Variants in CACNA1C observed in about 807,000 individuals in gnomAD.
The protein encoded by CACNA1C is calcium voltage-gated channel subunit alpha1 C.
CACNA1C carries 30 observed loss-of-function variants against 229.0 expected under a neutral mutation model. The observed-to-expected ratio is 0.13, with a 90% CI of 0.10 to 0.18. The LOEUF (loss-of-function observed/expected upper bound fraction) is 0.18, where lower values mean the gene tolerates loss of function less well. Ranked by LOEUF, CACNA1C falls within the 10% of genes least tolerant of loss-of-function variation. CACNA1C has a pLI of 1.00. For missense variants in CACNA1C, 1,658 were observed against 2,845.0 expected (o/e 0.58, Z 9.49); for synonymous variants, 1,114 against 1,132.5 (o/e 0.98, Z 0.33).
chr12:2,683,240 C>T (rs1215935431), intron 43 of CACNA1C, among the ~76,000 whole-genome samples: 1 of 152,190 alleles, frequency 6.6e-6, no homozygotes, highest in Non-Finnish European at 1.5e-5. Flanking sequence ...GCAGGTGCAG[C>T]ACAGCACAAT....
intron 7 of CACNA1C, among the ~76,000 whole-genome samples, chr12:2,495,092 C>T (rs919457371): frequency 1.6e-4 from 25 of 152,222 alleles, no homozygotes; most frequent in African/African-American, 5.5e-4. Flanking sequence ...ACCCCTCTGC[C>T]TCAAACTAAA....
At chr12:2,102,980 A>G (rs2076982421) in intron 1 of CACNA1C, among the ~76,000 whole-genome samples, 2 of 152,182 alleles carry the variant, frequency 1.3e-5, no homozygotes, top group African/African-American at 2.4e-5. Context: ...TATCCAGTCT[A>G]TCATTGATGG....
intron 4 of CACNA1C, among the ~76,000 whole-genome samples, chr12:2,455,184 C>G (rs942309156): frequency 6.6e-6 from 1 of 152,312 alleles, no homozygotes; most frequent in South Asian, 2.1e-4. Context: ...GTCATATCTC[C>G]CATTCAGAAA....
chr12:2,232,921 T>C (rs1389340823), intron 3 of CACNA1C, among the ~76,000 whole-genome samples: 1 of 152,218 alleles, frequency 6.6e-6, no homozygotes, highest in Non-Finnish European at 1.5e-5. Context: ...CTGTGCCTCT[T>C]GACATACCCC....
intron 3 of CACNA1C, among the ~76,000 whole-genome samples, chr12:2,427,776 A>G (rs1021454032): frequency 6.6e-6 from 1 of 152,030 alleles, no homozygotes; most frequent in African/African-American, 2.4e-5. Flanking sequence ...CATGTACACC[A>G]TGCCCACCTA....
chr12:2,597,064 C>T lies in CACNA1C; in HGVS notation c.2794-166C>T, dbSNP rs948930191. The stretch of plus-strand genomic sequence containing the variant: ...CGCCTCAGGATGTCTGTGTGTGTGC[C>T]GCTTGCCCCCCATGTCCATCTGTGT... On this transcript the variant is annotated intron_variant, in intron 20 of 46. Transcript: ENST00000399655. This position sits in a 1 kb window ranked among gnomAD's most constrained non-coding sequence, Gnocchi z 4.3. Among the ~76,000 whole-genome samples, 3 of 152,028 alleles carry T rather than the reference C, an allele frequency of 2.0e-5. No homozygotes were observed. Among genetic ancestry groups the T allele is most frequent in the Admixed American group, 1.3e-4 (2 of 15,280 alleles).
intron 3 of CACNA1C, among the ~76,000 whole-genome samples, chr12:2,171,856 T>A (rs1412913790): frequency 6.6e-6 from 1 of 152,160 alleles, no homozygotes; most frequent in Non-Finnish European, 1.5e-5. Context: ...CCACTTGGGC[T>A]GTGACCCTGT....
At chr12:2,058,285 C>T (rs189709994) in intron 1 of CACNA1C, among the ~76,000 whole-genome samples, 46 of 152,270 alleles carry the variant, frequency 3.0e-4, no homozygotes, top group African/African-American at 9.4e-4. Context: ...ACAGGTCAGC[C>T]GGCGTCATCT....
At chr12:1,993,312 A>T in intron 1 of CACNA1C, 1 of 1,614,144 alleles carries the variant, frequency 6.2e-7, no homozygotes, top group Non-Finnish European at 8.5e-7. Flanking sequence ...TGGAAATCCA[A>T]GTCTTTAGTA....
At chr12:2,443,770 C>T (rs894006394) in intron 3 of CACNA1C, among the ~76,000 whole-genome samples, 3 of 152,222 alleles carry the variant, frequency 2.0e-5, no homozygotes, top group Non-Finnish European at 4.4e-5. Context: ...CCAACTTTTT[C>T]TTTTCTTCAC....
chr12:2,035,871 GTTC>G (rs1034373939), intron 1 of CACNA1C, among the ~76,000 whole-genome samples: 3 of 152,198 alleles, frequency 2.0e-5, no homozygotes, highest in Admixed American at 6.5e-5. Flanking sequence ...TTACCAGCGA[GTTC>G]TTCTTTATGC....
chr12:2,646,645 A>T lies in CACNA1C; in HGVS notation c.3913-1830A>T, dbSNP rs2094384569. The T allele has an allele frequency of 6.6e-6, 1 of 152,236 alleles. No homozygotes were observed. The highest frequency in any genetic ancestry group is 1.5e-5 in the Non-Finnish European group (1 of 68,070). The allele number at this position is 152,236 out of a possible 1,614,324, so 9.4% of individuals were successfully genotyped here. A position where few individuals can be genotyped will look rare whatever the true frequency, so the allele number is the denominator to read the frequency against. ...GCACTGGGCCAGGAGCGGGGCAGAA[A>T]GGTGCCAGTGGATAGCTAGACCTGA... On this transcript the variant is annotated intron_variant, in intron 30 of 46. Coordinates refer to ENST00000399655, the MANE Select transcript of CACNA1C (RefSeq NM_000719.7). This position sits in a 1 kb window ranked among gnomAD's most constrained non-coding sequence, Gnocchi z 4.6.
chr12:2,378,922 T>G (rs1345623773), intron 3 of CACNA1C, among the ~76,000 whole-genome samples: 1 of 152,206 alleles, frequency 6.6e-6, no homozygotes, highest in Admixed American at 6.5e-5. Flanking sequence ...AATCCCATGT[T>G]TACTGCACAA....
intron 3 of CACNA1C, among the ~76,000 whole-genome samples, chr12:2,237,028 C>A (rs1249845559): frequency 6.6e-6 from 1 of 152,168 alleles, no homozygotes; most frequent in East Asian, 1.9e-4. Flanking sequence ...GGTAGATAAG[C>A]ACATCTGAGT....
rs36012443 is a variant in CACNA1C at position 2,560,848 on chromosome 12, T to TAAAA, written c.1508+3891_1508+3894dup. On this transcript the variant is annotated intron_variant, in intron 11 of 46. Transcript: ENST00000399655. ...CTGTGGTGTTTGTTGTTGGTTCTGG[T>TAAAA]AAAAAAAAAAAAAAAAAAAAAAAGT... Among the ~76,000 whole-genome samples the TAAAA allele has an allele frequency of 7.1e-4, 80 of 113,074 alleles. 1 individual carries two copies. Among genetic ancestry groups the TAAAA allele is most frequent in the East Asian group, 2.1e-3 (8 of 3,900 alleles). 74.2% of individuals were successfully genotyped at this position (113,074 alleles called of 152,430 possible). A position where few individuals can be genotyped will look rare whatever the true frequency, so the allele number is the denominator to read the frequency against.
intron 3 of CACNA1C, among the ~76,000 whole-genome samples, chr12:2,332,327 T>C (rs937411827): frequency 6.6e-6 from 1 of 152,216 alleles, no homozygotes; most frequent in Admixed American, 6.5e-5. Flanking sequence ...CTTGCAACTT[T>C]TCTCTAAGTT....
intron 43 of CACNA1C, 70 bp downstream of exon 43, chr12:2,682,748 CCCTGAGATCCCT>C (rs2097209309): frequency 2.0e-6 from 3 of 1,492,106 alleles, no homozygotes; most frequent in Non-Finnish European, 2.7e-6. Context: ...AGAGGCAGGT[CCCTGAGATCCCT>C]CCTCTGGGGC....
Position 2,479,308 on chromosome 12 carries a change from G to C in CACNA1C, c.758-6796G>C, listed in dbSNP as rs2099653397. Among the ~76,000 whole-genome samples the C allele has an allele frequency of 6.6e-6, 1 of 152,120 alleles. No individual in the cohort carries two copies. Among genetic ancestry groups the C allele is most frequent in the Non-Finnish European group, 1.5e-5 (1 of 68,032 alleles). ...TAGTTCACTGTAAACTTGAACTCCT[G>C]GGCTCAAGTGATCTGCCCACTTCTG... On this transcript the variant is annotated intron_variant, in intron 5 of 46. Transcript: ENST00000399655. This position sits in a 1 kb window ranked among gnomAD's most constrained non-coding sequence, Gnocchi z 4.3.
chr12:2,090,724 AT>A (rs2070453912), intron 1 of CACNA1C, among the ~76,000 whole-genome samples: 2 of 152,148 alleles, frequency 1.3e-5, no homozygotes. Flanking sequence ...TCTCTTGGAA[AT>A]CCTGCTTTGA....
Sources: gnomAD v4.1 joint callset for allele counts (sites outside exome capture counted in the v4.1 genomes callset) on GRCh38, gnomAD v4.1.1 for gene constraint, Gnocchi (gnomAD v3.1) non-coding constraint, MANE v1.5 for transcripts, NCBI Gene and HGNC (gene_info 2026-07-23, HGNC 2026-07-21) for gene names.